The following DOCK3 variants were observed in gnomAD, a reference collection of about 807,000 sequenced individuals.
DOCK3 encodes the protein dedicator of cytokinesis 3, also known as dedicator of cytokinesis protein 3.
In DOCK3, 60 loss-of-function variants were observed where a neutral mutation model predicts 265.6. The observed-to-expected ratio is 0.23, with a 90% CI of 0.18 to 0.28. DOCK3 has a LOEUF of 0.28. Ranked by LOEUF, DOCK3 falls within the 10% of genes least tolerant of loss-of-function variation. The pLI is 1.00. For synonymous variants in DOCK3, 881 were observed against 938.0 expected, an observed-to-expected ratio of 0.94 and a Z score of 1.11; for missense variants, 1,981 against 2,594.3, an observed-to-expected ratio of 0.76 and a Z score of 5.14.
intron 1 of DOCK3, among the ~76,000 whole-genome samples, chr3:50,712,641 T>G (rs1406740159): frequency 6.6e-6 from 1 of 152,208 alleles, no homozygotes. Context: ...TCCGGCCGCC[T>G]CTTGTAAGAT....
At chr3:50,834,227 G>C (rs2045369063) in intron 2 of DOCK3, among the ~76,000 whole-genome samples, 1 of 151,950 alleles carries the variant, frequency 6.6e-6, no homozygotes, top group African/African-American at 2.4e-5. Flanking sequence ...AAACCTTGAA[G>C]AGGTTTTTTC....
chr3:50,958,510 C>T lies in DOCK3; in HGVS notation c.315+24433C>T, dbSNP rs1054788044. Reference sequence around the variant, plus strand: ...ACCAGGCTCTTGCAAGGATCAACTACGATAATACATATGTAAGCCCTAGAT... The same window carrying T: ...ACCAGGCTCTTGCAAGGATCAACTATGATAATACATATGTAAGCCCTAGAT... On this transcript the variant is annotated intron_variant, in intron 5 of 52. Transcript: ENST00000266037. 2.0e-4 allele frequency among the ~76,000 whole-genome samples: 30 copies of T among 152,088 alleles called. 1 individual carries two copies. Among genetic ancestry groups the T allele is most frequent in the Non-Finnish European group, 5.9e-5 (4 of 68,012 alleles).
Position 50,979,153 on chromosome 3 carries a change from G to A in DOCK3, c.315+45076G>A, listed in dbSNP as rs568125974. 1.5e-4 allele frequency among the ~76,000 whole-genome samples: 23 copies of A among 152,074 alleles called. No homozygotes were observed. The South Asian group carries it at 3.5e-3, about 23-fold the overall frequency. On this transcript the variant is annotated intron_variant, in intron 5 of 52. Coordinates refer to ENST00000266037, the MANE Select transcript of DOCK3 (RefSeq NM_004947.5). The stretch of plus-strand genomic sequence containing the variant: ...TGTAGACCGGAGCTGTTCCTATTCG[G>A]CCATCTTGGCTCCTCCCCCAGTGTG...
At chr3:51,052,753 G>A (rs188292592) in intron 5 of DOCK3, among the ~76,000 whole-genome samples, 13 of 152,148 alleles carry the variant, frequency 8.5e-5, no homozygotes, top group Non-Finnish European at 1.5e-4. Context: ...TGTCACTAAT[G>A]TGAAAGCTGT....
intron 4 of DOCK3, among the ~76,000 whole-genome samples, chr3:50,931,830 T>G (rs1353199658): frequency 5.3e-5 from 8 of 152,180 alleles, no homozygotes; most frequent in Admixed American, 5.2e-4. Flanking sequence ...TGAGAGAAAT[T>G]GGAGGGTTAT....
Position 51,372,761 on chromosome 3 carries a change from G to A in DOCK3, c.5294-1708G>A, listed in dbSNP as rs1414854811. Among the ~76,000 whole-genome samples the A allele has an allele frequency of 2.0e-5, 3 of 152,142 alleles. No individual in the cohort carries two copies. In the East Asian group the frequency reaches 5.8e-4, roughly 29 times the overall value. Reference sequence around the variant, plus strand: ...AGAGAGTAGTCCTGTCTAGAGCTGTGGGCTGCAATGCTCAGGAAGCATTCT... The same window carrying A: ...AGAGAGTAGTCCTGTCTAGAGCTGTAGGCTGCAATGCTCAGGAAGCATTCT... On this transcript the variant is annotated intron_variant, in intron 49 of 52. Transcript: ENST00000266037.
chr3:50,877,238 G>A, intron 3 of DOCK3: 1 of 328,742 alleles, frequency 3.0e-6, no homozygotes, highest in South Asian at 2.5e-5. Context: ...ATCTTACGGA[G>A]CCTTCTTAAC....
At chr3:50,854,594 T>TTTTTTTTTTTTTTTG in intron 3 of DOCK3, among the ~76,000 whole-genome samples, 1 of 126,144 alleles carries the variant, frequency 7.9e-6, no homozygotes, top group Non-Finnish European at 1.7e-5. Flanking sequence ...TCACACCAGT[T>TTTTTTTTTTTTTTTG]TTTTTTTTTT....
At position 51,361,664 on chromosome 3, in the gene DOCK3, G is replaced by T. The variant is rs575936825; in HGVS notation, c.5007-195G>T. ...GTGTACCACACCATTGTCTCTCCCAGACCAAGGGCTCCTGAGTAGCAGGGT... is the reference window on the plus strand; with the variant it reads ...GTGTACCACACCATTGTCTCTCCCATACCAAGGGCTCCTGAGTAGCAGGGT... On this transcript the variant is annotated intron_variant, in intron 47 of 52. Transcript: ENST00000266037. This position sits in a 1 kb window ranked among gnomAD's most constrained non-coding sequence, Gnocchi z 4.2. 6.6e-6 allele frequency among the ~76,000 whole-genome samples: 1 copy of T among 152,288 alleles called. No individual in the cohort carries two copies. The highest frequency in any genetic ancestry group is 1.9e-4 in the East Asian group (1 of 5,190).
At chr3:50,883,850 C>T (rs1212598076) in intron 3 of DOCK3, among the ~76,000 whole-genome samples, 9 of 152,080 alleles carry the variant, frequency 5.9e-5, no homozygotes. Flanking sequence ...TTCATTTCCA[C>T]AAACAGAAAC....
chr3:50,928,151 AT>A lies in DOCK3; in HGVS notation c.219-5829del, dbSNP rs1559826254. Among the ~76,000 whole-genome samples, 9 of 141,234 alleles carry A rather than the reference AT, an allele frequency of 6.4e-5. No homozygotes were observed. In the South Asian group the frequency reaches 6.7e-4, roughly 10 times the overall value. The allele number at this position is 141,234 out of a possible 152,430, so 92.7% of individuals were successfully genotyped here. ...ATGATATATATATATATATATATAT[AT>A]ATAATAAAGTTTACCATTTCACCTC... is the stretch of plus-strand genomic sequence containing the variant. On this transcript the variant is annotated intron_variant, in intron 4 of 52. Coordinates refer to ENST00000266037, the MANE Select transcript of DOCK3 (RefSeq NM_004947.5).
intron 51 of DOCK3, among the ~76,000 whole-genome samples, chr3:51,376,676 C>G (rs940582056): frequency 1.3e-5 from 2 of 152,254 alleles, no homozygotes; most frequent in Non-Finnish European, 2.9e-5. Flanking sequence ...ACCAATACAA[C>G]CTGTCATCCC....
chr3:50,787,184 G>A (rs2042228103), intron 2 of DOCK3: 1 of 634,122 alleles, frequency 1.6e-6, no homozygotes. Context: ...CAAACTTATT[G>A]CCACATTTAT....
intron 19 of DOCK3, 131 bp from the exon 20 acceptor site, chr3:51,236,214 A>G (rs538614279): frequency 1.2e-5 from 9 of 743,676 alleles, no homozygotes; most frequent in African/African-American, 8.8e-5. Flanking sequence ...TAGTACGATG[A>G]TTTTTAAGTG....
intron 52 of DOCK3, 132 bp from the exon 53 acceptor site, chr3:51,380,918 C>G: frequency 8.3e-7 from 1 of 1,205,114 alleles, no homozygotes; most frequent in Non-Finnish European, 1.2e-6. Context: ...GAGCTTGCTG[C>G]TGAAGAAACA....
chr3:50,975,545 G>A (rs1038380942), intron 5 of DOCK3, among the ~76,000 whole-genome samples: 60 of 151,686 alleles, frequency 4.0e-4, no homozygotes, highest in Non-Finnish European at 1.5e-4. Context: ...CGTTTTGCCA[G>A]TATTTTATTG....
intron 4 of DOCK3, among the ~76,000 whole-genome samples, chr3:50,904,564 T>C (rs149550039): frequency 2.0e-5 from 3 of 152,378 alleles, no homozygotes; most frequent in African/African-American, 7.2e-5. Context: ...ATATCTTCTT[T>C]TGAGAAGTGT....
chr3:51,168,146 T>G (rs1051162027), intron 12 of DOCK3, among the ~76,000 whole-genome samples: 1 of 152,270 alleles, frequency 6.6e-6, no homozygotes, highest in Non-Finnish European at 1.5e-5. Context: ...TGTTAAATTT[T>G]GTCAAACACT....
intron 44 of DOCK3, among the ~76,000 whole-genome samples, chr3:51,357,433 CAGG>C (rs1388683687): frequency 6.6e-6 from 1 of 152,160 alleles, no homozygotes; most frequent in African/African-American, 2.4e-5. Flanking sequence ...CCCAGCCCGT[CAGG>C]AGAAGTGAGT....
Sources: gnomAD v4.1 joint callset for allele counts (sites outside exome capture counted in the v4.1 genomes callset) on GRCh38, gnomAD v4.1.1 for gene constraint, Gnocchi (gnomAD v3.1) non-coding constraint, MANE v1.5 for transcripts, NCBI Gene and HGNC (gene_info 2026-07-23, HGNC 2026-07-21) for gene names.